Variants in SBF2 observed in about 807,000 individuals in gnomAD.
SBF2 encodes SET binding factor 2.
SBF2 carries 112 observed loss-of-function variants against 225.2 expected under a neutral mutation model. The ratio of observed to expected loss-of-function variants is 0.50; its 90% CI spans 0.43 to 0.58. The LOEUF is 0.58. Ranked by LOEUF, SBF2 falls within the 20% of genes least tolerant of loss-of-function variation. The pLI, the probability that SBF2 is intolerant of heterozygous loss-of-function variation, is 0.00. For missense variants in SBF2, 1,996 were observed against 2,206.2 expected (o/e 0.90, Z 1.91); for synonymous variants, 763 against 773.3 (o/e 0.99, Z 0.22).
intron 16 of SBF2, among the ~76,000 whole-genome samples, chr11:9,918,953 AG>A (rs1863352754): frequency 6.6e-6 from 1 of 151,876 alleles, no homozygotes; most frequent in African/African-American, 2.4e-5. Flanking sequence ...CGTGTTAGCC[AG>A]GATGGTCTTG....
chr11:10,061,667 A>G (rs1168815467), intron 2 of SBF2, among the ~76,000 whole-genome samples: 4 of 152,160 alleles, frequency 2.6e-5, no homozygotes, highest in African/African-American at 7.2e-5. Flanking sequence ...TGAGAATTAC[A>G]AAACACTGCT....
intron 17 of SBF2, among the ~76,000 whole-genome samples, chr11:9,888,325 C>T (rs1860505277): frequency 6.6e-6 from 1 of 151,928 alleles, no homozygotes; most frequent in African/African-American, 2.4e-5. Context: ...AGTGAGATGT[C>T]ATCTCTACAA....
intron 16 of SBF2, among the ~76,000 whole-genome samples, chr11:9,935,394 T>A (rs372029689): frequency 6.6e-6 from 1 of 152,102 alleles, no homozygotes; most frequent in Non-Finnish European, 1.5e-5. Context: ...GTAATTTATA[T>A]ATTCAATGCC....
intron 3 of SBF2, among the ~76,000 whole-genome samples, chr11:10,033,957 T>C (rs1949351147): frequency 6.6e-6 from 1 of 152,176 alleles, no homozygotes; most frequent in Non-Finnish European, 1.5e-5. Flanking sequence ...TCTATGAATA[T>C]GAGATATTCT....
At chr11:10,008,613 A>G (rs902374404) in intron 6 of SBF2, among the ~76,000 whole-genome samples, 2 of 152,216 alleles carry the variant, frequency 1.3e-5, no homozygotes, top group African/African-American at 2.4e-5. Context: ...ATGAGAAGCC[A>G]GGCCACTGGA....
chr11:10,207,797 G>A (rs1447563647), intron 1 of SBF2, among the ~76,000 whole-genome samples: 2 of 151,818 alleles, frequency 1.3e-5, no homozygotes, highest in Non-Finnish European at 2.9e-5. Context: ...TTTTCTCACT[G>A]TAACAAATGG....
At chr11:10,113,802 A>T (rs994913837) in intron 2 of SBF2, among the ~76,000 whole-genome samples, 1 of 103,096 alleles carries the variant, frequency 9.7e-6, no homozygotes, top group Non-Finnish European at 2.1e-5. Flanking sequence ...GCAGTTTAAA[A>T]AAAAAAAAAA....
chr11:10,231,744 A>G (rs1420232668), intron 1 of SBF2, among the ~76,000 whole-genome samples: 3 of 152,058 alleles, frequency 2.0e-5, no homozygotes, highest in African/African-American at 7.2e-5. Flanking sequence ...CAGTTAGGCT[A>G]CTCAGGGGTC....
In SBF2 at chr11:10,270,207, AG is replaced by A. The variant is rs138414144; in HGVS notation, c.55+23807del. On this transcript the variant is annotated intron_variant, in intron 1 of 39. Coordinates refer to ENST00000256190, the MANE Select transcript of SBF2 (RefSeq NM_030962.4). ...TTGTCCCTGGAATAACTCAAGGGTT[AG>A]ATGCACCAACCCCTGTGCAGTCAAA... 5.6e-3 allele frequency among the ~76,000 whole-genome samples: 853 copies of A among 152,298 alleles called. 60 individuals are homozygous for A. In the East Asian group the frequency reaches 0.15, roughly 27 times the overall value.
At chr11:9,940,941 G>C (rs1337322136) in intron 16 of SBF2, among the ~76,000 whole-genome samples, 2 of 152,150 alleles carry the variant, frequency 1.3e-5, no homozygotes, top group African/African-American at 4.8e-5. Flanking sequence ...CTAATCAGTA[G>C]ACATGTTCTT....
At chr11:9,842,485 C>A in intron 25 of SBF2, 140 bp downstream of exon 25, 5 of 795,030 alleles carry the variant, frequency 6.3e-6, no homozygotes, top group Non-Finnish European at 1.0e-5. Flanking sequence ...TCCCCCAGTT[C>A]TAAGAAGCTG....
intron 1 of SBF2, among the ~76,000 whole-genome samples, chr11:10,232,200 G>T (rs1486875063): frequency 6.6e-6 from 1 of 152,190 alleles, no homozygotes; most frequent in Non-Finnish European, 1.5e-5. Flanking sequence ...TCCAGGTGCC[G>T]TCTGTCACCC....
At chr11:10,270,911 C>T (rs1962429294) in intron 1 of SBF2, among the ~76,000 whole-genome samples, 1 of 136,030 alleles carries the variant, frequency 7.4e-6, no homozygotes, top group Non-Finnish European at 1.5e-5. Context: ...AGGAGAATGG[C>T]GTGAACCCGG....
chr11:9,828,848 G>T (rs1855215253), intron 28 of SBF2, among the ~76,000 whole-genome samples: 1 of 151,864 alleles, frequency 6.6e-6, no homozygotes, highest in Non-Finnish European at 1.5e-5. Context: ...GGGAATAAAG[G>T]GTGACTTTAT....
At chr11:10,145,360 A>T (rs914290237) in intron 2 of SBF2, among the ~76,000 whole-genome samples, 5 of 152,144 alleles carry the variant, frequency 3.3e-5, no homozygotes, top group Non-Finnish European at 7.4e-5. Flanking sequence ...GTATTCCAAG[A>T]AAAAGGAATA....
chr11:10,062,598 T>A (rs1950489852), intron 2 of SBF2, among the ~76,000 whole-genome samples: 1 of 152,158 alleles, frequency 6.6e-6, no homozygotes, highest in African/African-American at 2.4e-5. Context: ...AAGCTCAATA[T>A]CACTGATCAT....
At chr11:10,135,549 C>G (rs1301581993) in intron 2 of SBF2, among the ~76,000 whole-genome samples, 1 of 152,148 alleles carries the variant, frequency 6.6e-6, no homozygotes, top group Non-Finnish European at 1.5e-5. Flanking sequence ...ATCTTGAATG[C>G]TTTGCTGCTT....
intron 2 of SBF2, among the ~76,000 whole-genome samples, chr11:10,046,230 T>C (rs955926480): frequency 2.0e-5 from 3 of 152,194 alleles, no homozygotes; most frequent in Non-Finnish European, 4.4e-5. Flanking sequence ...ACCAATTATC[T>C]GCAACCTCTT....
intron 6 of SBF2, among the ~76,000 whole-genome samples, chr11:10,011,120 G>C (rs1333430958): frequency 6.6e-6 from 1 of 152,090 alleles, no homozygotes; most frequent in Admixed American, 6.6e-5. Context: ...TACACATATA[G>C]TCTATTTACC....
Sources: gnomAD v4.1 joint callset for allele counts (sites outside exome capture counted in the v4.1 genomes callset) on GRCh38, gnomAD v4.1.1 for gene constraint, MANE v1.5 for transcripts, NCBI Gene and HGNC (gene_info 2026-07-23, HGNC 2026-07-21) for gene names.